The following ST6GALNAC3 variants were observed in gnomAD, a reference collection of about 807,000 sequenced individuals.
ST6GALNAC3 encodes the protein alpha-N-acetylgalactosaminide alpha-2,6-sialyltransferase 3.
ST6GALNAC3 carries 25 observed loss-of-function variants against 32.7 expected under a neutral mutation model. The ratio of observed to expected loss-of-function variants is 0.76; its 90% CI spans 0.56 to 1.07. The LOEUF (loss-of-function observed/expected upper bound fraction) is 1.07. Among genes scored for constraint, ST6GALNAC3 ranks in the 50% least tolerant of loss-of-function variants. ST6GALNAC3 has a pLI of 0.00. For synonymous variants in ST6GALNAC3, 129 were observed against 133.1 expected, an observed-to-expected ratio of 0.97 and a Z score of 0.21; for missense variants, 355 against 382.4, an observed-to-expected ratio of 0.93 and a Z score of 0.60.
In ST6GALNAC3 at chr1:76,631,272, C is replaced by T. The variant is rs2100740900; in HGVS notation, c.*2466C>T. The T allele has an allele frequency of 2.8e-5, 4 of 141,270 alleles. No homozygotes were observed. The highest frequency in any genetic ancestry group is 1.5e-5 in the Non-Finnish European group (1 of 65,474). The allele number at this position is 141,270 out of a possible 1,614,324, so 8.8% of individuals were successfully genotyped here. On this transcript the variant is annotated 3_prime_UTR_variant, in exon 5 of 5. Coordinates refer to ENST00000328299, the MANE Select transcript of ST6GALNAC3 (RefSeq NM_152996.4). The stretch of plus-strand genomic sequence containing the variant: ...ACTCTACACTTTTTATTGTTGTTTT[C>T]TTTGTCTTTTTCTTTCTACAAACAG...
intron 1 of ST6GALNAC3, among the ~76,000 whole-genome samples, chr1:76,216,239 G>A (rs1265084410): frequency 1.3e-5 from 2 of 151,942 alleles, no homozygotes; most frequent in Non-Finnish European, 2.9e-5. Flanking sequence ...TCTTTTTAGT[G>A]TTTCTCTATC....
intron 2 of ST6GALNAC3, among the ~76,000 whole-genome samples, chr1:76,394,455 C>A (rs577916637): frequency 3.3e-5 from 5 of 152,070 alleles, no homozygotes; most frequent in Middle Eastern, 3.4e-3. Flanking sequence ...TTGTTTAATC[C>A]ATATTGAAAA....
chr1:76,323,517 A>G (rs1057180747), intron 2 of ST6GALNAC3, among the ~76,000 whole-genome samples: 3 of 152,222 alleles, frequency 2.0e-5, no homozygotes, highest in Admixed American at 2.0e-4. Context: ...AAATGGTTTC[A>G]CAGAGTGTCT....
chr1:76,113,497 C>T (rs1329735154), intron 1 of ST6GALNAC3, among the ~76,000 whole-genome samples: 1 of 135,596 alleles, frequency 7.4e-6, no homozygotes, highest in African/African-American at 2.4e-5. Flanking sequence ...TGTGTTCTTA[C>T]ATACTTTTTT....
intron 3 of ST6GALNAC3, among the ~76,000 whole-genome samples, chr1:76,600,616 T>C (rs1432762775): frequency 6.6e-6 from 1 of 152,210 alleles, no homozygotes; most frequent in African/African-American, 2.4e-5. Flanking sequence ...ATTCCAACCC[T>C]GTGGTTATGT....
At chr1:76,255,444 G>A (rs1657866671) in intron 1 of ST6GALNAC3, among the ~76,000 whole-genome samples, 1 of 152,092 alleles carries the variant, frequency 6.6e-6, no homozygotes, top group Non-Finnish European at 1.5e-5. Flanking sequence ...GTGTAAATAA[G>A]AAAGTCAATT....
chr1:76,446,669 T>C (rs1656993347), intron 3 of ST6GALNAC3, among the ~76,000 whole-genome samples: 1 of 152,186 alleles, frequency 6.6e-6, no homozygotes, highest in South Asian at 2.1e-4. Flanking sequence ...GATTGAATCA[T>C]GGAAGCAGGT....
At chr1:76,626,842 G>A (rs1648998195) in intron 3 of ST6GALNAC3, among the ~76,000 whole-genome samples, 2 of 151,894 alleles carry the variant, frequency 1.3e-5, no homozygotes, top group Non-Finnish European at 2.9e-5. Flanking sequence ...TGATTACCAT[G>A]TAGCTTGTTC....
intron 2 of ST6GALNAC3, among the ~76,000 whole-genome samples, chr1:76,398,830 C>T (rs1264685153): frequency 6.6e-6 from 1 of 152,158 alleles, no homozygotes; most frequent in Non-Finnish European, 1.5e-5. Context: ...AAAGTTTACA[C>T]TCCCGTTTGT....
chr1:76,158,334 G>A (rs926100946), intron 1 of ST6GALNAC3, among the ~76,000 whole-genome samples: 1 of 152,144 alleles, frequency 6.6e-6, no homozygotes, highest in East Asian at 1.9e-4. Flanking sequence ...TCTACACCCT[G>A]GACATAGCAA....
At chr1:76,184,497 C>G (rs989640979) in intron 1 of ST6GALNAC3, among the ~76,000 whole-genome samples, 16 of 149,054 alleles carry the variant, frequency 1.1e-4, no homozygotes, top group Non-Finnish European at 2.2e-4. Context: ...CAAGATCGTG[C>G]CACTGCATTC....
intron 1 of ST6GALNAC3, among the ~76,000 whole-genome samples, chr1:76,311,738 CAT>C (rs892550104): frequency 3.3e-5 from 5 of 152,230 alleles, no homozygotes; most frequent in Admixed American, 1.3e-4. Context: ...CTGCAATAAA[CAT>C]ATGTGTGCAT....
At chr1:76,278,275 G>A (rs1311588189) in intron 1 of ST6GALNAC3, among the ~76,000 whole-genome samples, 1 of 112,552 alleles carries the variant, frequency 8.9e-6, no homozygotes, top group Non-Finnish European at 1.6e-5. Context: ...AGGCTGGAGT[G>A]CAGTGGCGCG....
intron 2 of ST6GALNAC3, among the ~76,000 whole-genome samples, chr1:76,333,560 C>G (rs1647249130): frequency 6.6e-6 from 1 of 152,070 alleles, no homozygotes; most frequent in Non-Finnish European, 1.5e-5. Context: ...TTATATTCAT[C>G]ATTATTCATT....
At chr1:76,342,117 C>T (rs1027568578) in intron 2 of ST6GALNAC3, among the ~76,000 whole-genome samples, 2 of 152,028 alleles carry the variant, frequency 1.3e-5, no homozygotes, top group Non-Finnish European at 2.9e-5. Context: ...CATTGATGAG[C>T]GTTTGGGTTG....
At chr1:76,099,065 A>G (rs568988928) in intron 1 of ST6GALNAC3, among the ~76,000 whole-genome samples, 1 of 152,108 alleles carries the variant, frequency 6.6e-6, no homozygotes, top group African/African-American at 2.4e-5. Context: ...CGAAATGTTC[A>G]TATGTTTGAG....
At chr1:76,140,446 A>G (rs1167008262) in intron 1 of ST6GALNAC3, among the ~76,000 whole-genome samples, 4 of 151,890 alleles carry the variant, frequency 2.6e-5, no homozygotes, top group African/African-American at 7.3e-5. Flanking sequence ...TGCTGGTCAC[A>G]TGGTCCCTGC....
chr1:76,227,476 A>G (rs1172617581), intron 1 of ST6GALNAC3, among the ~76,000 whole-genome samples: 2 of 152,188 alleles, frequency 1.3e-5, no homozygotes, highest in Non-Finnish European at 2.9e-5. Flanking sequence ...CTACCTTTGT[A>G]TCTTTATCAC....
At chr1:76,155,131 C>T (rs1342556855) in intron 1 of ST6GALNAC3, among the ~76,000 whole-genome samples, 1 of 152,116 alleles carries the variant, frequency 6.6e-6, no homozygotes. Context: ...TATAAAGCTA[C>T]GGGCTTTGCT....
Sources: gnomAD v4.1 joint callset for allele counts (sites outside exome capture counted in the v4.1 genomes callset) on GRCh38, gnomAD v4.1.1 for gene constraint, MANE v1.5 for transcripts, NCBI Gene and HGNC (gene_info 2026-07-23, HGNC 2026-07-21) for gene names.